The following SEC23B variants were observed in gnomAD, a reference collection of about 807,000 sequenced individuals.
The protein encoded by SEC23B is SEC23 homolog B, COPII component.
SEC23B carries 77 observed loss-of-function variants against 104.3 expected under a neutral mutation model. The observed-to-expected ratio is 0.74, with a 90% confidence interval of 0.61 to 0.89. The LOEUF is 0.89. Ranked by LOEUF, SEC23B falls within the 40% of genes least tolerant of loss-of-function variation. The probability of loss-of-function intolerance (pLI) is 0.00; values close to 1 mark genes in which losing one functional copy is unlikely to be tolerated. For missense variants in SEC23B, 885 were observed against 949.4 expected, an observed-to-expected ratio of 0.93 and a Z score of 0.89; for synonymous variants, 338 against 332.5, an observed-to-expected ratio of 1.02 and a Z score of -0.18.
rs1426220008 is a variant in SEC23B at position 18,558,026 on chromosome 20, C to T, written c.2215-2625C>T. Among the ~76,000 whole-genome samples, 3 of 152,120 alleles carry T rather than the reference C, an allele frequency of 2.0e-5. No homozygotes were observed. In the East Asian group the frequency reaches 5.8e-4, roughly 29 times the overall value. On this transcript the variant is annotated intron_variant, in intron 19 of 19. Transcript: ENST00000650089. ...TCAGCCTCTGAAAGTGCTGGGATTACAGGCATGAGCCACCGCGCCTGGCCT... is the reference window on the plus strand; with the variant it reads ...TCAGCCTCTGAAAGTGCTGGGATTATAGGCATGAGCCACCGCGCCTGGCCT...
chr20:18,550,392 A>C (rs567082317), intron 16 of SEC23B, among the ~76,000 whole-genome samples: 1 of 152,046 alleles, frequency 6.6e-6, no homozygotes, highest in Non-Finnish European at 1.5e-5. Flanking sequence ...CCTGGGTTCA[A>C]GTGATCTGCC....
intron 16 of SEC23B, among the ~76,000 whole-genome samples, chr20:18,550,132 A>G (rs960562207): frequency 1.7e-4 from 21 of 125,566 alleles, no homozygotes; most frequent in African/African-American, 5.8e-4. Flanking sequence ...TACTTATATA[A>G]TATAAAATAT....
At chr20:18,554,494 A>G in intron 18 of SEC23B, 104 bp downstream of exon 18, 1 of 1,402,278 alleles carries the variant, frequency 7.1e-7, no homozygotes, top group Non-Finnish European at 1.0e-6. Context: ...GATGACATAA[A>G]TTGACACACA....
At chr20:18,538,413 C>T (rs563182303) in intron 12 of SEC23B, among the ~76,000 whole-genome samples, 131 of 152,078 alleles carry the variant, frequency 8.6e-4, no homozygotes, top group African/African-American at 3.0e-3. Flanking sequence ...CCACGCCCAG[C>T]TAATTTTTTT....
intron 3 of SEC23B, among the ~76,000 whole-genome samples, chr20:18,514,283 G>C (rs564635107): frequency 1.3e-5 from 2 of 152,172 alleles, no homozygotes; most frequent in Non-Finnish European, 2.9e-5. Context: ...GGCTGACTGC[G>C]TGGGTGAACA....
chr20:18,533,809 G>C (rs2060206274), intron 11 of SEC23B, among the ~76,000 whole-genome samples: 2 of 152,148 alleles, frequency 1.3e-5, no homozygotes, highest in South Asian at 4.2e-4. Context: ...TAAGGGGCTT[G>C]TACCCCTATT....
Position 18,554,960 on chromosome 20 carries a change from AGTAAAACAATTCTAATTAGATTAC to A in SEC23B, c.2149-147_2149-124del. The A allele has an allele frequency of 3.2e-3, 244 of 76,784 alleles. 24 individuals carry two copies. The highest frequency in any genetic ancestry group is 6.0e-3 in the Non-Finnish European group (159 of 26,504). The allele number at this position is 76,784 out of a possible 1,614,324, so 4.8% of individuals were successfully genotyped here. ...AAGCTAAAGAAATAGATTACTGTGC[AGTAAAACAATTCTAATTAGATTAC>A]TGTGCAGTAAAACAATTCTAATTTA... On this transcript the variant is annotated intron_variant, in intron 18 of 19. Transcript: ENST00000650089.
intron 14 of SEC23B, among the ~76,000 whole-genome samples, chr20:18,544,860 T>C (rs1437516601): frequency 2.6e-5 from 4 of 152,052 alleles, no homozygotes; most frequent in Admixed American, 2.0e-4. Context: ...TTGATAAAAC[T>C]TGATGAAATG....
chr20:18,551,829 T>C (rs1204618416), intron 17 of SEC23B, among the ~76,000 whole-genome samples: 1 of 152,216 alleles, frequency 6.6e-6, no homozygotes, highest in African/African-American at 2.4e-5. Flanking sequence ...TTCTCCTCAG[T>C]AAATATTTTA....
intron 3 of SEC23B, 45 bp downstream of exon 3, chr20:18,512,327 T>A (rs766175972): frequency 1.6e-6 from 2 of 1,268,328 alleles, no homozygotes; most frequent in Non-Finnish European, 2.3e-6. Context: ...TTATTTTAGT[T>A]GTATTATGAA....
chr20:18,524,768 G>T, intron 5 of SEC23B, 99 bp downstream of exon 5: 1 of 1,228,684 alleles, frequency 8.1e-7, no homozygotes, highest in Non-Finnish European at 1.2e-6. Context: ...GGAGTTCAGT[G>T]GTGTGATCAT....
chr20:18,560,108 G>GTGTGTATA (rs778891295), intron 19 of SEC23B, among the ~76,000 whole-genome samples: 3 of 150,866 alleles, frequency 2.0e-5, no homozygotes, highest in African/African-American at 7.3e-5. Context: ...GTGTGTGTGT[G>GTGTGTATA]TATATATATA....
At chr20:18,534,935 A>G (rs980178946) in intron 11 of SEC23B, among the ~76,000 whole-genome samples, 1 of 152,182 alleles carries the variant, frequency 6.6e-6, no homozygotes, top group African/African-American at 2.4e-5. Flanking sequence ...TTTCCTGAGC[A>G]CAGCTCTTCA....
chr20:18,551,172 T>C lies in SEC23B; in HGVS notation c.1989T>C (p.Gly663=). The change falls in exon 17 of 20, where the codon GGT becomes GGC. Residue 663 remains glycine (G), a synonymous_variant. Coordinates refer to ENST00000650089, the MANE Select transcript of SEC23B (RefSeq NM_006363.6). ...TCTTTCAAATTGTCATTTATCTTGGTGAGGTAAGATGATATTATTAATTAA... is the reference window on the plus strand; with the variant it reads ...TCTTTCAAATTGTCATTTATCTTGGCGAGGTAAGATGATATTATTAATTAA... The part of the protein sequence containing the change: ...DTFFQIVIYL[G]ETIAQWRKAG... The C allele has an allele frequency of 6.6e-7, 1 of 1,509,352 alleles. No individual in the cohort carries two copies. The highest frequency in any genetic ancestry group is 9.2e-7 in the Non-Finnish European group (1 of 1,090,912). 93.5% of individuals were successfully genotyped at this position (1,509,352 alleles called of 1,614,324 possible).
chr20:18,515,700 G>T lies in SEC23B; in HGVS notation c.330G>T (p.Leu110Phe). The T allele has an allele frequency of 6.2e-7, 1 of 1,611,876 alleles. No homozygotes were observed. Among genetic ancestry groups the T allele is most frequent in the Non-Finnish European group, 8.5e-7 (1 of 1,177,922 alleles). The change falls in exon 4 of 20, where the codon TTG (leucine) becomes TTT (phenylalanine). Residue 110 changes from leucine (L) to phenylalanine (F), a missense_variant. Physicochemically the swap from Leu to Phe is conservative, Grantham distance 22. Coordinates refer to ENST00000650089, the MANE Select transcript of SEC23B (RefSeq NM_006363.6). ...CTGAGGTGAATCAACCTGCCGAATT[G>T]ATGCCCCAGTTTTCTACAATTGAGT... ...GISEVNQPAE[L>F]MPQFSTIEYV... is the part of the protein sequence containing the mutation.
intron 19 of SEC23B, among the ~76,000 whole-genome samples, chr20:18,555,951 T>A (rs977464935): frequency 6.6e-6 from 1 of 151,548 alleles, no homozygotes; most frequent in Non-Finnish European, 1.5e-5. Context: ...CCTGAGCTTG[T>A]TTTCCTGCAA....
chr20:18,549,176 A>G (rs1252430388), intron 16 of SEC23B, among the ~76,000 whole-genome samples: 2 of 152,204 alleles, frequency 1.3e-5, no homozygotes, highest in Admixed American at 1.3e-4. Flanking sequence ...AAAATAAATA[A>G]GTAACCTGAG....
At chr20:18,518,590 T>TTTTTTTTG (rs1555787291) in intron 4 of SEC23B, among the ~76,000 whole-genome samples, 2 of 135,912 alleles carry the variant, frequency 1.5e-5, no homozygotes, top group East Asian at 2.0e-4. Context: ...AGGTTTTTTT[T>TTTTTTTTG]TTTTTTTTTT....
intron 9 of SEC23B, among the ~76,000 whole-genome samples, chr20:18,529,687 T>A (rs1417292721): frequency 6.6e-6 from 1 of 152,080 alleles, no homozygotes; most frequent in Non-Finnish European, 1.5e-5. Flanking sequence ...ACTCCACATA[T>A]AAAGGACACA....
Sources: allele counts gnomAD v4.1 joint callset (sites outside exome capture counted in the v4.1 genomes callset), GRCh38; gene constraint gnomAD v4.1.1; transcripts MANE v1.5; gene names NCBI Gene and HGNC (gene_info 2026-07-23, HGNC 2026-07-21).